MYO6: variants seen among roughly 807,000 people sequenced by gnomAD.
MYO6 encodes the protein unconventional myosin-VI.
MYO6 carries 74 observed loss-of-function variants against 178.7 expected under a neutral mutation model. The ratio of observed to expected loss-of-function variants is 0.41; its 90% CI spans 0.34 to 0.50. The LOEUF (loss-of-function observed/expected upper bound fraction) is 0.50. Among genes scored for constraint, MYO6 ranks in the 20% least tolerant of loss-of-function variants. MYO6 has a pLI of 0.09. For synonymous variants in MYO6, 477 were observed against 504.6 expected (o/e 0.95, Z 0.73); for missense variants, 1,330 against 1,547.4 (o/e 0.86, Z 2.36).
intron 1 of MYO6, among the ~76,000 whole-genome samples, chr6:75,756,306 G>A (rs529731883): frequency 6.6e-6 from 1 of 152,074 alleles, no homozygotes; most frequent in South Asian, 2.1e-4. Context: ...GAAGAGGTTA[G>A]CAAAGTATAA....
intron 1 of MYO6, among the ~76,000 whole-genome samples, chr6:75,811,212 AT>A (rs1770673772): frequency 6.6e-6 from 1 of 151,934 alleles, no homozygotes; most frequent in Admixed American, 6.6e-5. Flanking sequence ...AGTTTTCCTT[AT>A]TTTAGATTTC....
At chr6:75,787,840 G>A (rs1386985072) in intron 1 of MYO6, among the ~76,000 whole-genome samples, 1 of 145,848 alleles carries the variant, frequency 6.9e-6, no homozygotes, top group African/African-American at 2.5e-5. Context: ...GCTCACTGCA[G>A]CCTTAACCTC....
intron 11 of MYO6, among the ~76,000 whole-genome samples, chr6:75,849,056 A>G (rs1775007477): frequency 6.6e-6 from 1 of 152,240 alleles, no homozygotes; most frequent in Non-Finnish European, 1.5e-5. Flanking sequence ...CCAGTGTTTC[A>G]GTCTGTACAT....
At chr6:75,838,405 G>A (rs1316442638) in intron 7 of MYO6, among the ~76,000 whole-genome samples, 3 of 152,100 alleles carry the variant, frequency 2.0e-5, no homozygotes, top group African/African-American at 4.8e-5. Flanking sequence ...AGGGTATAGC[G>A]TCTTTTGATC....
intron 3 of MYO6, among the ~76,000 whole-genome samples, chr6:75,827,529 AG>A (rs1306628292): frequency 6.6e-6 from 1 of 152,184 alleles, no homozygotes; most frequent in Non-Finnish European, 1.5e-5. Flanking sequence ...AGATTTGATG[AG>A]GGCTCTACTT....
rs189908088 is a variant in MYO6, at chr6:75,916,049, T to A, written c.*1037T>A. The A allele has an allele frequency of 6.6e-6, 1 of 152,650 alleles. No individual in the cohort carries two copies. The highest frequency in any genetic ancestry group is 2.4e-5 in the African/African-American group (1 of 41,582). The allele number at this position is 152,650 out of a possible 1,614,324, so 9.5% of individuals were successfully genotyped here. ...GTATTTAGTAAGTGCTTGTTTTACA[T>A]AACTGATAATTTTAAAATGTTTTCT... On this transcript the variant is annotated 3_prime_UTR_variant, in exon 35 of 35. Transcript: ENST00000369977.
In MYO6 at chr6:75,870,825, T is replaced by G. The variant is rs1390235462; in HGVS notation, c.1983+140T>G. ...TTCTCTTATTTTAAAAAATTAGTTT[T>G]TTTTCTGAAGAAAGGTCAAATATAT... On this transcript the variant is annotated intron_variant, in intron 19 of 34. Transcript: ENST00000369977. 15 of 642,602 alleles carry G rather than the reference T, an allele frequency of 2.3e-5. No individual in the cohort carries two copies. The East Asian group carries it at 4.4e-4, about 19-fold the overall frequency. 39.8% of individuals were successfully genotyped at this position (642,602 alleles called of 1,614,324 possible).
At chr6:75,812,904 A>G (rs1182285267) in intron 1 of MYO6, among the ~76,000 whole-genome samples, 1 of 152,190 alleles carries the variant, frequency 6.6e-6, no homozygotes, top group Non-Finnish European at 1.5e-5. Flanking sequence ...GTGCTGCAGT[A>G]AAAATGGGAG....
intron 19 of MYO6, among the ~76,000 whole-genome samples, chr6:75,872,324 T>A (rs1777222681): frequency 6.6e-6 from 1 of 152,244 alleles, no homozygotes; most frequent in Admixed American, 6.5e-5. Flanking sequence ...TTCAGCATAA[T>A]CTGATAATTG....
chr6:75,752,097 A>G (rs1385240327), intron 1 of MYO6, among the ~76,000 whole-genome samples: 5 of 150,512 alleles, frequency 3.3e-5, no homozygotes, highest in Non-Finnish European at 7.4e-5. Context: ...GGTTCAAGTG[A>G]TTCTCCTGCC....
chr6:75,816,819 T>G (rs1012720903), intron 1 of MYO6, among the ~76,000 whole-genome samples: 1 of 152,228 alleles, frequency 6.6e-6, no homozygotes, highest in Non-Finnish European at 1.5e-5. Context: ...TTTAATTTAT[T>G]GTGCAAATGC....
intron 16 of MYO6, among the ~76,000 whole-genome samples, chr6:75,863,904 A>G (rs1776426167): frequency 6.6e-6 from 1 of 152,182 alleles, no homozygotes; most frequent in Non-Finnish European, 1.5e-5. Flanking sequence ...ACCTCTTCTG[A>G]ACCTGTCTTT....
At chr6:75,857,007 C>A (rs1315191841) in intron 12 of MYO6, 90 bp from the exon 13 acceptor site, 2 of 1,226,190 alleles carry the variant, frequency 1.6e-6, no homozygotes, top group Admixed American at 1.9e-5. Context: ...TTATTTTGTT[C>A]TTCTCTGTGT....
At chr6:75,909,813 A>G (rs1780627200) in intron 32 of MYO6, among the ~76,000 whole-genome samples, 6 of 152,188 alleles carry the variant, frequency 3.9e-5, no homozygotes, top group Admixed American at 3.9e-4. Context: ...TGCAGGACCC[A>G]AATTGACTTA....
chr6:75,762,907 G>C (rs147476718), intron 1 of MYO6, among the ~76,000 whole-genome samples: 4 of 151,902 alleles, frequency 2.6e-5, no homozygotes, highest in African/African-American at 9.7e-5. Flanking sequence ...TTTTTGTAGA[G>C]ATAGGGGTCT....
intron 28 of MYO6, among the ~76,000 whole-genome samples, chr6:75,894,624 C>A (rs1420809178): frequency 2.0e-5 from 3 of 152,162 alleles, no homozygotes; most frequent in Non-Finnish European, 4.4e-5. Flanking sequence ...TGGGCTATAG[C>A]TAAATGTTTT....
chr6:75,752,791 A>G (rs149448529), intron 1 of MYO6, among the ~76,000 whole-genome samples: 1 of 152,252 alleles, frequency 6.6e-6, no homozygotes, highest in African/African-American at 2.4e-5. Context: ...CTAGGACATT[A>G]TATGTATTGT....
Position 75,844,907 on chromosome 6 carries a change from G to A in MYO6, c.827G>A (p.Arg276Gln), listed in dbSNP as rs750860588. The change falls in exon 10 of 35, where the codon CGA (arginine) becomes CAA (glutamine). Residue 276 changes from arginine to glutamine, a missense_variant. Around this residue, in one of 3 missense-constraint regions of MYO6, gnomAD observed 613 missense variants for 816.8 expected, o/e 0.75. Transcript: ENST00000369977. ...SSPDNFRYLN[R>Q]GCTRYFANKE... Reference sequence around the variant, plus strand: ...TTTGTTTTGTCATAGTATTTAAACCGAGGCTGCACTAGATACTTTGCTAAC... The same window carrying A: ...TTTGTTTTGTCATAGTATTTAAACCAAGGCTGCACTAGATACTTTGCTAAC... 9.3e-6 allele frequency: 15 copies of A among 1,611,560 alleles called. No individual in the cohort carries two copies. The highest frequency in any genetic ancestry group is 5.4e-5 in the African/African-American group (4 of 74,682).
At chr6:75,879,797 T>C in intron 20 of MYO6, 23 bp from the exon 21 acceptor site, 2 of 1,614,130 alleles carry the variant, frequency 1.2e-6, no homozygotes, top group East Asian at 4.5e-5. Flanking sequence ...TTGACAGTGC[T>C]TTGTGCTTGT....
Sources: gnomAD v4.1 joint callset for allele counts (sites outside exome capture counted in the v4.1 genomes callset) on GRCh38, gnomAD v4.1.1 for gene constraint, gnomAD v4.1.1 regional missense constraint, MANE v1.5 for transcripts, NCBI Gene and HGNC (gene_info 2026-07-23, HGNC 2026-07-21) for gene names.